DOT1L: variants seen among roughly 807,000 people sequenced by gnomAD.
The protein encoded by DOT1L is histone-lysine N-methyltransferase, H3 lysine-79 specific.
Under a neutral mutation model 153.3 loss-of-function variants are expected in DOT1L, and 33 were observed. The ratio of observed to expected loss-of-function variants is 0.22; its 90% CI spans 0.16 to 0.29. The LOEUF is 0.29. Among genes scored for constraint, DOT1L ranks in the 10% least tolerant of loss-of-function variants. The pLI, the probability that DOT1L is intolerant of heterozygous loss-of-function variation, is 1.00. For synonymous variants in DOT1L, 1,135 were observed against 965.1 expected (o/e 1.18, Z -3.26); for missense variants, 1,847 against 2,119.9 (o/e 0.87, Z 2.53).
rs2024338616 is a variant in DOT1L, at chr19:2,226,546, C to T, written c.4025C>T (p.Pro1342Leu). 2 of 1,600,568 alleles carry T rather than the reference C, an allele frequency of 1.2e-6. No homozygotes were observed. Among genetic ancestry groups the T allele is most frequent in the Non-Finnish European group, 1.7e-6 (2 of 1,179,426 alleles). ...GGTGCTTCTCTTCCCCACAAGGGCCCCGAGGCGGCCGGCCTGAGCTCCCCG... is the reference window on the plus strand; with the variant it reads ...GGTGCTTCTCTTCCCCACAAGGGCCTCGAGGCGGCCGGCCTGAGCTCCCCG... ...SDGASLPHKGPEAAGLSSPLS... is the reference protein window; with the variant it reads ...SDGASLPHKGLEAAGLSSPLS... Residue 1342 changes from proline to leucine, a missense_variant, in exon 27 of 28, where the codon CCC becomes CTC. This residue lies in a region of DOT1L where 934 missense variants were observed against 825.3 expected (regional missense o/e 1.13). Coordinates refer to ENST00000398665, the MANE Select transcript of DOT1L (RefSeq NM_032482.3).
At chr19:2,212,786 G>C (rs1444881018) in intron 16 of DOT1L, 3 of 152,264 alleles carry the variant, frequency 2.0e-5, no homozygotes, top group Non-Finnish European at 2.9e-5. Flanking sequence ...CCTGGAAATG[G>C]ACCACTGTAT....
Position 2,208,924 on chromosome 19 carries a change from C to T in DOT1L, c.964-11C>T, listed in dbSNP as rs1378270624. 6.2e-7 allele frequency: 1 copy of T among 1,611,516 alleles called. No homozygotes were observed. Among genetic ancestry groups the T allele is most frequent in the East Asian group, 2.2e-5 (1 of 44,866 alleles). ...CTCCCTTCTAATCAGGGTTCTCTTTCTTCTTTTTAGCTTGAAAACTATTTT... is the reference window on the plus strand; with the variant it reads ...CTCCCTTCTAATCAGGGTTCTCTTTTTTCTTTTTAGCTTGAAAACTATTTT... On this transcript the variant is annotated splice_polypyrimidine_tract_variant and intron_variant, in intron 11 of 27. Transcript: ENST00000398665. This position sits in a 1 kb window ranked among gnomAD's most constrained non-coding sequence, Gnocchi z 4.4.
chr19:2,181,006 C>T (rs1427361019), intron 2 of DOT1L, among the ~76,000 whole-genome samples: 1 of 152,204 alleles, frequency 6.6e-6, no homozygotes, highest in Non-Finnish European at 1.5e-5. Flanking sequence ...GCCCTGCCTT[C>T]CTCTGTCTCC....
intron 1 of DOT1L, among the ~76,000 whole-genome samples, chr19:2,178,777 G>C (rs1375465410): frequency 1.3e-5 from 2 of 152,118 alleles, no homozygotes; most frequent in Non-Finnish European, 2.9e-5. Flanking sequence ...TTGTTAGCCA[G>C]GATGGTCTCT....
At chr19:2,210,358 C>A in intron 12 of DOT1L, 42 bp from the exon 13 acceptor site, 1 of 1,452,226 alleles carries the variant, frequency 6.9e-7, no homozygotes. Flanking sequence ...GGGCCGTGGG[C>A]AGCGCTGGGG....
In DOT1L at chr19:2,208,916, TTC is replaced by T. The variant is rs758375390; in HGVS notation, c.964-15_964-14del. On this transcript the variant is annotated splice_polypyrimidine_tract_variant and intron_variant, in intron 11 of 27. Coordinates refer to ENST00000398665, the MANE Select transcript of DOT1L (RefSeq NM_032482.3). This position sits in a 1 kb window ranked among gnomAD's most constrained non-coding sequence, Gnocchi z 4.4. ...GATTGGGACTCCCTTCTAATCAGGG[TTC>T]TCTTTCTTCTTTTTAGCTTGAAAAC... 6.2e-7 allele frequency: 1 copy of T among 1,611,024 alleles called. No individual in the cohort carries two copies. Among genetic ancestry groups the T allele is most frequent in the Non-Finnish European group, 8.5e-7 (1 of 1,178,494 alleles).
Position 2,208,830 on chromosome 19 carries a change from C to A in DOT1L, c.964-105C>A. The A allele has an allele frequency of 8.4e-7, 1 of 1,196,644 alleles. No homozygotes were observed. The highest frequency in any genetic ancestry group is 1.2e-6 in the Non-Finnish European group (1 of 837,036). The allele number at this position is 1,196,644 out of a possible 1,614,324, so 74.1% of individuals were successfully genotyped here. ...CTGCTGTCCCCAGATACCAGAACAG[C>A]CTCCCCAGCCACTGTCCAGGTTGCT... is the stretch of plus-strand genomic sequence containing the variant. On this transcript the variant is annotated intron_variant, in intron 11 of 27. Coordinates refer to ENST00000398665, the MANE Select transcript of DOT1L (RefSeq NM_032482.3). This position sits in a 1 kb window ranked among gnomAD's most constrained non-coding sequence, Gnocchi z 4.4.
chr19:2,173,743 T>C lies in DOT1L; in HGVS notation c.82-6970T>C, dbSNP rs560188208. On this transcript the variant is annotated intron_variant, in intron 1 of 27. Coordinates refer to ENST00000398665, the MANE Select transcript of DOT1L (RefSeq NM_032482.3). ...GTGTCCTTGGTGGGCAGCTCATAAG[T>C]GTGAACCTTCCCGGTACCTTGCGAG... is the stretch of plus-strand genomic sequence containing the variant. 1.2e-4 allele frequency among the ~76,000 whole-genome samples: 19 copies of C among 152,288 alleles called. No homozygotes were observed. The South Asian group carries it at 3.7e-3, about 30-fold the overall frequency.
Position 2,183,179 on chromosome 19 carries a change from T to G in DOT1L, c.125+2423T>G, listed in dbSNP as rs182109532. ...CCAAGCACGTCCTCCCACAGTGGTG[T>G]TGTTTTTTTGAGTCAGCGTCTGGCT... On this transcript the variant is annotated intron_variant, in intron 2 of 27. Coordinates refer to ENST00000398665, the MANE Select transcript of DOT1L (RefSeq NM_032482.3). Among the ~76,000 whole-genome samples, 223 of 152,300 alleles carry G rather than the reference T, an allele frequency of 1.5e-3. 2 individuals carry two copies. The highest frequency in any genetic ancestry group is 4.4e-3 in the African/African-American group (184 of 41,568).
Position 2,207,495 on chromosome 19 carries a change from C to A in DOT1L, c.857-79C>A. 7.9e-7 allele frequency: 1 copy of A among 1,259,618 alleles called. No individual in the cohort carries two copies. Among genetic ancestry groups the A allele is most frequent in the Non-Finnish European group, 1.1e-6 (1 of 899,474 alleles). 78.0% of individuals were successfully genotyped at this position (1,259,618 alleles called of 1,614,324 possible). On this transcript the variant is annotated intron_variant, in intron 10 of 27. Coordinates refer to ENST00000398665, the MANE Select transcript of DOT1L (RefSeq NM_032482.3). This position sits in a 1 kb window ranked among gnomAD's most constrained non-coding sequence, Gnocchi z 4.5. Reference sequence around the variant, plus strand: ...CGCAGCTCAGGCTTCTGTCCCCACGCCTGCCCTGGGGTGGGTGAGGTCTGC... The same window carrying A: ...CGCAGCTCAGGCTTCTGTCCCCACGACTGCCCTGGGGTGGGTGAGGTCTGC...
Position 2,220,276 on chromosome 19 carries a change from C to T in DOT1L, c.2806+54C>T. Reference sequence around the variant, plus strand: ...GGACTCTGCTGCTGCTGCTGCTCTTCAGGCAGGAGGGCTGGGTTGCTGGGA... The same window carrying T: ...GGACTCTGCTGCTGCTGCTGCTCTTTAGGCAGGAGGGCTGGGTTGCTGGGA... On this transcript the variant is annotated intron_variant, in intron 23 of 27. Coordinates refer to ENST00000398665, the MANE Select transcript of DOT1L (RefSeq NM_032482.3). This position sits in a 1 kb window ranked among gnomAD's most constrained non-coding sequence, Gnocchi z 4.5. 6.5e-7 allele frequency: 1 copy of T among 1,543,112 alleles called. No individual in the cohort carries two copies. The highest frequency in any genetic ancestry group is 8.8e-7 in the Non-Finnish European group (1 of 1,133,800).
rs761386617 is a variant in DOT1L, at chr19:2,226,770, G to A, written c.4249G>A (p.Glu1417Lys). The stretch of plus-strand genomic sequence containing the variant: ...CAAGGCCGCCAAGGCCCGGGACCGC[G>A]AGGTCGACCTCAAGAATGGCCACAA... The part of the protein sequence containing the change: ...SGKAAKARDR[E>K]VDLKNGHNLF... Residue 1417 changes from glutamate (E) to lysine (K), a missense_variant, in exon 27 of 28, where the codon GAG (glutamate) becomes AAG (lysine). Physicochemically the swap from Glu to Lys is moderately conservative, Grantham distance 56. Around this residue, in one of 8 missense-constraint regions of DOT1L, gnomAD observed 934 missense variants for 825.3 expected, o/e 1.13. Transcript: ENST00000398665. 6.4e-6 allele frequency: 10 copies of A among 1,569,968 alleles called. No individual in the cohort carries two copies. Among genetic ancestry groups the A allele is most frequent in the Non-Finnish European group, 7.7e-6 (9 of 1,164,186 alleles).
rs764334826 is a variant in DOT1L at position 2,207,605 on chromosome 19, C to G, written c.888C>G (p.Leu296=). Reference sequence around the variant, plus strand: ...GCACCATCATGCGCGTGGTGGAGCTCTCGCCCCTGAAGGGCTCGGTGTCGT... The same window carrying G: ...GCACCATCATGCGCGTGGTGGAGCTGTCGCCCCTGAAGGGCTCGGTGTCGT... ...DIGTIMRVVE[L]SPLKGSVSWT... The change falls in exon 11 of 28, where the codon CTC becomes CTG. Residue 296 remains leucine, a synonymous_variant. Transcript: ENST00000398665. The surrounding 1 kb of genome is among the most constrained non-coding windows in gnomAD (Gnocchi z 4.5). 1.9e-6 allele frequency: 3 copies of G among 1,612,360 alleles called. No homozygotes were observed. The highest frequency in any genetic ancestry group is 2.5e-6 in the Non-Finnish European group (3 of 1,179,770).
intron 1 of DOT1L, among the ~76,000 whole-genome samples, chr19:2,171,764 C>G (rs565932851): frequency 5.1e-4 from 78 of 152,300 alleles, no homozygotes; most frequent in Non-Finnish European, 9.8e-4. Flanking sequence ...CCCACTGTGT[C>G]CCCCTGAGGG....
In DOT1L at chr19:2,226,816, C is replaced by A. The variant is rs1371166374; in HGVS notation, c.4295C>A (p.Ala1432Asp). 6.3e-7 allele frequency: 1 copy of A among 1,579,094 alleles called. No individual in the cohort carries two copies. Among genetic ancestry groups the A allele is most frequent in the South Asian group, 1.1e-5 (1 of 87,560 alleles). ...NGHNLFISAA[A>D]VPPGSLLSGP... is the part of the protein sequence containing the mutation. Reference sequence around the variant, plus strand: ...CACAACCTCTTCATCTCTGCGGCGGCCGTGCCTCCCGGAAGCCTCCTCAGC... The same window carrying A: ...CACAACCTCTTCATCTCTGCGGCGGACGTGCCTCCCGGAAGCCTCCTCAGC... The change falls in exon 27 of 28, where the codon GCC becomes GAC. Residue 1432 changes from alanine (A) to aspartate (D), a missense_variant. Coordinates refer to ENST00000398665, the MANE Select transcript of DOT1L (RefSeq NM_032482.3).
chr19:2,192,621 C>T (rs1244637654), intron 5 of DOT1L, among the ~76,000 whole-genome samples: 2 of 145,056 alleles, frequency 1.4e-5, no homozygotes, highest in African/African-American at 5.2e-5. Flanking sequence ...TGTGGTGAGA[C>T]GAGATCGCAT....
chr19:2,211,692 C>G, intron 15 of DOT1L, 59 bp from the exon 16 acceptor site: 2 of 1,453,128 alleles, frequency 1.4e-6, no homozygotes, highest in Non-Finnish European at 1.9e-6. Context: ...GCTGCTCCCA[C>G]CTCTTCCCTC....
At chr19:2,219,108 G>T (rs1301917714) in intron 22 of DOT1L, among the ~76,000 whole-genome samples, 1 of 152,198 alleles carries the variant, frequency 6.6e-6, no homozygotes, top group Non-Finnish European at 1.5e-5. Context: ...CTGACCTCAG[G>T]TGATCTGCCC....
chr19:2,213,701 T>C lies in DOT1L; in HGVS notation c.1659+61T>C, dbSNP rs901630686. ...CTGGGGCGCAGGCTGGGGTGGTCCA[T>C]GTCCGTCGGTATGGCTTCCTGTGGC... On this transcript the variant is annotated intron_variant, in intron 17 of 27. Coordinates refer to ENST00000398665, the MANE Select transcript of DOT1L (RefSeq NM_032482.3). 9 of 1,605,634 alleles carry C rather than the reference T, an allele frequency of 5.6e-6. No individual in the cohort carries two copies. The African/African-American group carries it at 1.1e-4, about 19-fold the overall frequency.
Sources: gnomAD v4.1 joint callset for allele counts (sites outside exome capture counted in the v4.1 genomes callset) on GRCh38, gnomAD v4.1.1 for gene constraint, gnomAD v4.1.1 regional missense constraint, Gnocchi (gnomAD v3.1) non-coding constraint, MANE v1.5 for transcripts, NCBI Gene and HGNC (gene_info 2026-07-23, HGNC 2026-07-21) for gene names.